CADPS2: variants seen among roughly 807,000 people sequenced by gnomAD.
The protein encoded by CADPS2 is calcium dependent secretion activator 2, also known as calcium-dependent secretion activator 2.
CADPS2 carries 93 observed loss-of-function variants against 172.5 expected under a neutral mutation model. The observed-to-expected ratio is 0.54, with a 90% CI of 0.46 to 0.64. The LOEUF (loss-of-function observed/expected upper bound fraction) is 0.64, where lower values mean the gene tolerates loss of function less well. Among genes scored for constraint, CADPS2 ranks in the 30% least tolerant of loss-of-function variants. The pLI, the probability that CADPS2 is intolerant of heterozygous loss-of-function variation, is 0.00. For synonymous variants in CADPS2, 546 were observed against 555.2 expected (o/e 0.98, Z 0.23); for missense variants, 1,420 against 1,565.9 (o/e 0.91, Z 1.57).
intron 2 of CADPS2, among the ~76,000 whole-genome samples, chr7:122,681,046 G>T (rs370769353): frequency 6.0e-5 from 9 of 148,926 alleles, no homozygotes; most frequent in African/African-American, 2.2e-4. Flanking sequence ...ACCAAACACC[G>T]CATATTCTCA....
intron 1 of CADPS2, among the ~76,000 whole-genome samples, chr7:122,828,732 C>A (rs573733547): frequency 2.0e-5 from 3 of 152,248 alleles, no homozygotes; most frequent in South Asian, 2.1e-4. Flanking sequence ...GCAACAAGTT[C>A]TTTGCCTTCT....
Position 122,815,188 on chromosome 7 carries a change from A to C in CADPS2, c.339+70811T>G, listed in dbSNP as rs564052412. ...AGCGTGTTACTCCTGCACATCATTA[A>C]AATTTCATTCTACACATAATGTAAG... is the stretch of plus-strand genomic sequence containing the variant. On this transcript the variant is annotated intron_variant, in intron 1 of 29. Transcript: ENST00000449022. Among the ~76,000 whole-genome samples the C allele has an allele frequency of 7.4e-4, 113 of 152,286 alleles. 1 individual carries two copies. The highest frequency in any genetic ancestry group is 1.2e-3 in the South Asian group (6 of 4,828).
intron 1 of CADPS2, among the ~76,000 whole-genome samples, chr7:122,816,809 A>C (rs1466555458): frequency 6.6e-6 from 1 of 152,132 alleles, no homozygotes; most frequent in Non-Finnish European, 1.5e-5. Flanking sequence ...GAAGTAACTG[A>C]AGAATCATAA....
At chr7:122,367,540 T>TTTTG (rs2041096376) in intron 25 of CADPS2, among the ~76,000 whole-genome samples, 1 of 11,890 alleles carries the variant, frequency 8.4e-5, no homozygotes, top group Non-Finnish European at 2.5e-4. Flanking sequence ...CTTCCCCCAG[T>TTTTG]TTTTTTTTTT....
Position 122,407,620 on chromosome 7 carries a change from G to A in CADPS2, c.2666C>T (p.Thr889Ile). ...FWALFTVDMD[T>I]ALEAQPQDSW... ...GTCTTGCGGTTGAGCCTCTAGTGCAGTGTCCATATCCACTGTAAATAAAGC... is the reference window on the plus strand; with the variant it reads ...GTCTTGCGGTTGAGCCTCTAGTGCAATGTCCATATCCACTGTAAATAAAGC... Residue 889 changes from threonine (T) to isoleucine (I), a missense_variant, in exon 20 of 30, where the codon ACT becomes ATT. Coordinates refer to ENST00000449022, the MANE Select transcript of CADPS2 (RefSeq NM_017954.11). 6.2e-7 allele frequency: 1 copy of A among 1,612,186 alleles called. No homozygotes were observed.
At chr7:122,465,885 C>T (rs759816812) in intron 14 of CADPS2, among the ~76,000 whole-genome samples, 2 of 152,072 alleles carry the variant, frequency 1.3e-5, no homozygotes, top group Non-Finnish European at 2.9e-5. Flanking sequence ...CAATTTTGTA[C>T]GTCAACATAG....
chr7:122,824,319 A>C (rs978589591), intron 1 of CADPS2, among the ~76,000 whole-genome samples: 1 of 152,158 alleles, frequency 6.6e-6, no homozygotes, highest in Non-Finnish European at 1.5e-5. Flanking sequence ...ATCTCAATAT[A>C]AGGTCCATGC....
At chr7:122,445,635 T>C (rs369571087) in intron 15 of CADPS2, among the ~76,000 whole-genome samples, 8 of 152,078 alleles carry the variant, frequency 5.3e-5, no homozygotes, top group African/African-American at 7.2e-5. Flanking sequence ...CTGGGCAACA[T>C]AGGGAGATCC....
intron 1 of CADPS2, among the ~76,000 whole-genome samples, chr7:122,855,627 CAA>C (rs1488050019): frequency 1.3e-5 from 2 of 152,108 alleles, no homozygotes; most frequent in African/African-American, 4.8e-5. Flanking sequence ...ATTTGGAAAA[CAA>C]GAGATGCCAT....
intron 8 of CADPS2, among the ~76,000 whole-genome samples, chr7:122,536,913 G>A (rs920950606): frequency 2.0e-5 from 3 of 151,976 alleles, no homozygotes; most frequent in African/African-American, 7.2e-5. Context: ...ATGAGATTAA[G>A]GGAAGCTGAT....
intron 3 of CADPS2, among the ~76,000 whole-genome samples, chr7:122,662,265 C>A (rs1361373725): frequency 2.6e-5 from 4 of 151,900 alleles, no homozygotes; most frequent in Admixed American, 1.3e-4. Flanking sequence ...ATAATTTATA[C>A]CCTCAACATA....
chr7:122,519,307 CTATT>C (rs2060608829), intron 8 of CADPS2, among the ~76,000 whole-genome samples: 1 of 152,126 alleles, frequency 6.6e-6, no homozygotes, highest in African/African-American at 2.4e-5. Context: ...TGCCCAGATA[CTATT>C]TAAAGTATTT....
chr7:122,401,792 T>C (rs2045987218), intron 20 of CADPS2, among the ~76,000 whole-genome samples: 2 of 152,068 alleles, frequency 1.3e-5, no homozygotes. Context: ...TGGCCAGAAA[T>C]GGAGGCTGAC....
At chr7:122,742,130 C>A (rs2092511245) in intron 1 of CADPS2, among the ~76,000 whole-genome samples, 1 of 152,132 alleles carries the variant, frequency 6.6e-6, no homozygotes, top group Non-Finnish European at 1.5e-5. Flanking sequence ...GCGGCTCATG[C>A]CTGTAATCCC....
intron 3 of CADPS2, among the ~76,000 whole-genome samples, chr7:122,633,297 T>C (rs1451917358): frequency 6.6e-6 from 1 of 152,212 alleles, no homozygotes; most frequent in Non-Finnish European, 1.5e-5. Flanking sequence ...ATGATCCGTT[T>C]AATGATACTG....
chr7:122,387,443 A>G (rs1182206524), intron 23 of CADPS2, among the ~76,000 whole-genome samples: 1 of 152,058 alleles, frequency 6.6e-6, no homozygotes, highest in Non-Finnish European at 1.5e-5. Context: ...TGTTATATCT[A>G]GAGTACCACA....
At chr7:122,613,399 A>G (rs1325916744) in intron 6 of CADPS2, among the ~76,000 whole-genome samples, 8 of 152,120 alleles carry the variant, frequency 5.3e-5, no homozygotes, top group Non-Finnish European at 1.0e-4. Context: ...AGGCAAGAAA[A>G]TTGTAATGGT....
intron 1 of CADPS2, among the ~76,000 whole-genome samples, chr7:122,822,342 T>C (rs896378469): frequency 1.1e-3 from 172 of 151,914 alleles, no homozygotes; most frequent in African/African-American, 3.9e-3. Context: ...TTTCTTCTAA[T>C]ATCCCCACAA....
intron 1 of CADPS2, among the ~76,000 whole-genome samples, chr7:122,879,633 A>T (rs1822330071): frequency 6.6e-6 from 1 of 152,216 alleles, no homozygotes; most frequent in Non-Finnish European, 1.5e-5. Context: ...AATCAGAAAG[A>T]AGCAAATTAA....
Sources: allele counts gnomAD v4.1 joint callset (sites outside exome capture counted in the v4.1 genomes callset), GRCh38; gene constraint gnomAD v4.1.1; transcripts MANE v1.5; gene names NCBI Gene and HGNC (gene_info 2026-07-23, HGNC 2026-07-21).